Variants in OR10R2 observed in about 807,000 individuals in gnomAD.
The protein encoded by OR10R2 is olfactory receptor family 10 subfamily R member 2.
In OR10R2, 1 loss-of-function variant was observed where a neutral mutation model predicts 2.4. That is an observed-to-expected ratio of 0.41 (90% CI 0.15 to 1.95). The LOEUF (loss-of-function observed/expected upper bound fraction) is 1.95. Ranked by LOEUF, OR10R2 falls within the 30% of genes most tolerant of loss-of-function variation. OR10R2 has a pLI of 0.30. For missense variants in OR10R2, 419 were observed against 373.0 expected, an observed-to-expected ratio of 1.12 and a Z score of -1.01; for synonymous variants, 166 against 144.8, an observed-to-expected ratio of 1.15 and a Z score of -1.05.
intron 1 of OR10R2, among the ~76,000 whole-genome samples, chr1:158,477,692 C>T (rs559066632): frequency 2.0e-5 from 3 of 152,080 alleles, no homozygotes; most frequent in Admixed American, 1.3e-4. Flanking sequence ...TACTCATGAA[C>T]TGGAATAATC....
chr1:158,478,949 T>C (rs370148720), intron 1 of OR10R2, among the ~76,000 whole-genome samples: 173 of 152,276 alleles, frequency 1.1e-3, no homozygotes, highest in African/African-American at 4.1e-3. Context: ...GTATATAATA[T>C]CTTCTTTTGT....
intron 1 of OR10R2, 111 bp from the exon 2 acceptor site, chr1:158,479,827 A>G (rs1656345741): frequency 8.6e-7 from 1 of 1,162,970 alleles, no homozygotes; most frequent in Non-Finnish European, 1.2e-6. Flanking sequence ...GAAAAGGTGA[A>G]TAAAAGGCAA....
intron 1 of OR10R2, among the ~76,000 whole-genome samples, chr1:158,479,478 GA>G (rs1455164794): frequency 6.6e-6 from 1 of 151,976 alleles, no homozygotes; most frequent in Non-Finnish European, 1.5e-5. Context: ...ATGATATTGT[GA>G]ATTGAATTGT....
Position 158,476,547 on chromosome 1 carries a change from C to CAA in OR10R2, c.28-3375_28-3374dup, listed in dbSNP as rs11291030. 4.3e-3 allele frequency among the ~76,000 whole-genome samples: 474 copies of CAA among 109,796 alleles called. 2 individuals are homozygous for CAA. The highest frequency in any genetic ancestry group is 0.016 in the South Asian group (53 of 3,260). The allele number at this position is 109,796 out of a possible 152,430, so 72.0% of individuals were successfully genotyped here. On this transcript the variant is annotated intron_variant, in intron 1 of 1. Coordinates refer to ENST00000641067, the Ensembl canonical transcript of OR10R2. ...TGGGCGACAGAGTGAGACTCCATCT[C>CAA]AAAAAAAAAAAAAAAAAGGAAAAAA...
intron 1 of OR10R2, chr1:158,474,559 C>T (rs1406244404): frequency 6.6e-6 from 1 of 152,152 alleles, no homozygotes; most frequent in Admixed American, 6.5e-5. Flanking sequence ...AAATACCAGA[C>T]AGGGGTTACA....
In OR10R2 at chr1:158,473,978, C is replaced by G. The variant is rs1467764927; in HGVS notation, c.27+1626C>G. On this transcript the variant is annotated intron_variant, in intron 1 of 1. Coordinates refer to ENST00000641067, the Ensembl canonical transcript of OR10R2. ...TTCTTTCTTTCTTTTTCTTTTCTTT[C>G]TTTTTTCTTTTCTTCTCTTTCTTCA... Among the ~76,000 whole-genome samples the G allele has an allele frequency of 3.0e-5, 4 of 132,706 alleles. No homozygotes were observed. The Admixed American group carries it at 3.2e-4, about 11-fold the overall frequency. 87.1% of individuals were successfully genotyped at this position (132,706 alleles called of 152,430 possible). A position where few individuals can be genotyped will look rare whatever the true frequency, so the allele number is the denominator to read the frequency against.
At chr1:158,474,908 A>AC (rs1656242273) in intron 1 of OR10R2, among the ~76,000 whole-genome samples, 1 of 152,144 alleles carries the variant, frequency 6.6e-6, no homozygotes, top group South Asian at 2.1e-4. Context: ...CTGTCTTAAA[A>AC]CGTATTTTCC....
chr1:158,476,121 C>CTATTA (rs1656262855), intron 1 of OR10R2, among the ~76,000 whole-genome samples: 1 of 151,832 alleles, frequency 6.6e-6, no homozygotes, highest in Non-Finnish European at 1.5e-5. Context: ...CCCTTTGACC[C>CTATTA]AACACTTGTT....
intron 1 of OR10R2, among the ~76,000 whole-genome samples, chr1:158,478,613 A>G (rs866176340): frequency 1.3e-5 from 2 of 152,188 alleles, no homozygotes; most frequent in African/African-American, 4.8e-5. Context: ...TAAACCATAC[A>G]CAAAGTTTTT....
chr1:158,480,883 T>C (rs1656392010), exon 2 of OR10R2: 1 of 1,251,710 alleles, frequency 8.0e-7, no homozygotes, highest in Non-Finnish European at 1.1e-6. Context: ...ACTATATAAT[T>C]GAAATATTAT....
At position 158,478,861 on chromosome 1, in the gene OR10R2, G is replaced by A. The variant is rs1286071576; in HGVS notation, c.28-1077G>A. Among the ~76,000 whole-genome samples the A allele has an allele frequency of 2.0e-5, 3 of 152,068 alleles. No individual in the cohort carries two copies. In the South Asian group the frequency reaches 6.2e-4, roughly 32 times the overall value. ...TGTCTACATTATTGCTGTTCAAAGT[G>A]GGGAATAAGTGATATTAACCTAATT... On this transcript the variant is annotated intron_variant, in intron 1 of 1. Transcript: ENST00000641067.
chr1:158,480,071 T>A, exon 2 of OR10R2: 1 of 1,613,984 alleles, frequency 6.2e-7, no homozygotes, highest in East Asian at 2.2e-5. Flanking sequence ...AATGTCACCA[T>A]TATCAGTGTC....
chr1:158,477,036 A>T (rs1656285870), intron 1 of OR10R2, among the ~76,000 whole-genome samples: 1 of 152,126 alleles, frequency 6.6e-6, no homozygotes, highest in Admixed American at 6.6e-5. Context: ...GTCTGGTTCA[A>T]TATTTGAAAA....
exon 2 of OR10R2, chr1:158,480,431 G>A: frequency 1.2e-6 from 2 of 1,614,046 alleles, no homozygotes; most frequent in Middle Eastern, 1.6e-4. Flanking sequence ...TTAGTTTTCA[G>A]CCTCCCTTTT....
At chr1:158,480,219 C>T in exon 2 of OR10R2, 1 of 1,613,986 alleles carries the variant, frequency 6.2e-7, no homozygotes, top group Non-Finnish European at 8.5e-7. Flanking sequence ...CAATCTCCTT[C>T]AACTGTTGTG....
At chr1:158,480,103 C>T (rs778563653) in exon 2 of OR10R2, 1 of 1,613,652 alleles carries the variant, frequency 6.2e-7, no homozygotes, top group Non-Finnish European at 8.5e-7. Flanking sequence ...TAAAAGCCTC[C>T]ACACACCAAT....
In OR10R2 at chr1:158,475,447, T is replaced by C. The variant is rs113191999; in HGVS notation, c.27+3095T>C. 6.7e-3 allele frequency among the ~76,000 whole-genome samples: 1,020 copies of C among 152,150 alleles called. 13 individuals carry two copies. The highest frequency in any genetic ancestry group is 0.023 in the African/African-American group (937 of 41,572). ...ACACCACCACAGCTAATTTGATGAG[T>C]GTAAATAATATCTCTACTTTACTTT... On this transcript the variant is annotated intron_variant, in intron 1 of 1. Coordinates refer to ENST00000641067, the Ensembl canonical transcript of OR10R2.
At chr1:158,477,797 A>G (rs2101674283) in intron 1 of OR10R2, among the ~76,000 whole-genome samples, 1 of 152,294 alleles carries the variant, frequency 6.6e-6, no homozygotes, top group South Asian at 2.1e-4. Flanking sequence ...AATTAGCAAA[A>G]CTATTATAAA....
chr1:158,473,747 C>T (rs1490580840), intron 1 of OR10R2, among the ~76,000 whole-genome samples: 1 of 122,732 alleles, frequency 8.1e-6, no homozygotes, highest in Non-Finnish European at 1.8e-5. Context: ...CCCTTTCCCT[C>T]CCTTTCTTTA....
Sources: gnomAD v4.1 joint callset for allele counts (sites outside exome capture counted in the v4.1 genomes callset) on GRCh38, gnomAD v4.1.1 for gene constraint, MANE v1.5 for transcripts, NCBI Gene and HGNC (gene_info 2026-07-23, HGNC 2026-07-21) for gene names.